CACNA2D3: variants seen among roughly 807,000 people sequenced by gnomAD.
CACNA2D3 encodes voltage-dependent calcium channel subunit alpha-2/delta-3.
A neutral mutation model predicts 160.6 loss-of-function variants in CACNA2D3; 60 were observed. The ratio of observed to expected loss-of-function variants is 0.37; its 90% CI spans 0.30 to 0.46. The LOEUF is 0.46. Ranked by LOEUF, CACNA2D3 falls within the 20% of genes least tolerant of loss-of-function variation. The probability of loss-of-function intolerance (pLI) is 1.00; values close to 1 mark genes in which losing one functional copy is unlikely to be tolerated. For synonymous variants in CACNA2D3, 558 were observed against 492.9 expected (o/e 1.13, Z -1.75); for missense variants, 1,205 against 1,365.0 (o/e 0.88, Z 1.85).
chr3:54,184,167 G>A (rs1307473378), intron 2 of CACNA2D3, among the ~76,000 whole-genome samples: 1 of 152,190 alleles, frequency 6.6e-6, no homozygotes, highest in Non-Finnish European at 1.5e-5. Context: ...GGAAAACAGA[G>A]TGATCAGAGA....
At chr3:54,708,496 C>T (rs1048902225) in intron 11 of CACNA2D3, among the ~76,000 whole-genome samples, 1 of 152,070 alleles carries the variant, frequency 6.6e-6, no homozygotes, top group Non-Finnish European at 1.5e-5. Flanking sequence ...GGTTGGAGAC[C>T]TTGTGATTAC....
At chr3:54,420,237 A>G (rs1269469183) in intron 4 of CACNA2D3, among the ~76,000 whole-genome samples, 1 of 152,052 alleles carries the variant, frequency 6.6e-6, no homozygotes, top group Non-Finnish European at 1.5e-5. Context: ...GGCACACGCC[A>G]CTATGCCCAG....
intron 4 of CACNA2D3, among the ~76,000 whole-genome samples, chr3:54,436,766 C>T (rs2106785231): frequency 6.6e-6 from 1 of 152,092 alleles, no homozygotes; most frequent in East Asian, 1.9e-4. Flanking sequence ...ACATCACACC[C>T]TGGGGCCTGT....
At chr3:54,125,005 T>C (rs1699560247) in intron 2 of CACNA2D3, among the ~76,000 whole-genome samples, 3 of 152,246 alleles carry the variant, frequency 2.0e-5, no homozygotes. Context: ...ACTTGTCAGA[T>C]GTTTGATGTG....
At chr3:54,571,713 G>A (rs1267391786) in intron 8 of CACNA2D3, among the ~76,000 whole-genome samples, 1 of 151,926 alleles carries the variant, frequency 6.6e-6, no homozygotes, top group East Asian at 1.9e-4. Context: ...TATTTGGGAG[G>A]TGGAGTAGTT....
In CACNA2D3 at chr3:54,462,674, C is replaced by T. The variant is rs529389309; in HGVS notation, c.382-40818C>T. Among the ~76,000 whole-genome samples the T allele has an allele frequency of 1.2e-4, 19 of 152,270 alleles. 1 individual carries two copies. The East Asian group carries it at 3.7e-3, about 29-fold the overall frequency. ...TATTTTGAACCCATGTGTGTCTCTG[C>T]ATGTGAGATGGGTTTCCTGAATACA... On this transcript the variant is annotated intron_variant, in intron 4 of 37. Coordinates refer to ENST00000474759, the MANE Select transcript of CACNA2D3 (RefSeq NM_018398.3).
At chr3:54,233,231 G>GT (rs1222543067) in intron 2 of CACNA2D3, among the ~76,000 whole-genome samples, 6 of 152,128 alleles carry the variant, frequency 3.9e-5, no homozygotes, top group Non-Finnish European at 5.9e-5. Flanking sequence ...TGCTAACAGG[G>GT]GCTTAGTCTG....
At chr3:55,051,993 C>T (rs532830441) in intron 35 of CACNA2D3, among the ~76,000 whole-genome samples, 7 of 152,256 alleles carry the variant, frequency 4.6e-5, no homozygotes, top group South Asian at 2.1e-4. Flanking sequence ...CCATGACCTG[C>T]GCCCACTGTC....
intron 27 of CACNA2D3, chr3:54,918,708 C>A: frequency 6.2e-7 from 1 of 1,614,132 alleles, no homozygotes; most frequent in Non-Finnish European, 8.5e-7. Flanking sequence ...CTCGCTCCCC[C>A]GCGTTGTGGT....
intron 3 of CACNA2D3, among the ~76,000 whole-genome samples, chr3:54,326,453 A>T (rs1025181982): frequency 2.8e-4 from 42 of 152,210 alleles, no homozygotes; most frequent in African/African-American, 9.6e-4. Context: ...CTCCATCCCC[A>T]AAATATAAGC....
chr3:54,701,518 G>A (rs1180823853), intron 11 of CACNA2D3, among the ~76,000 whole-genome samples: 1 of 152,090 alleles, frequency 6.6e-6, no homozygotes, highest in Non-Finnish European at 1.5e-5. Flanking sequence ...GTTTTAGGTT[G>A]TAGGAATACA....
chr3:54,959,962 A>T (rs1701991494), intron 27 of CACNA2D3, among the ~76,000 whole-genome samples: 2 of 151,932 alleles, frequency 1.3e-5, no homozygotes, highest in African/African-American at 4.8e-5. Flanking sequence ...AACCCTGCTA[A>T]TTCTTTTCAA....
chr3:54,333,562 T>C (rs1256145795), intron 3 of CACNA2D3, among the ~76,000 whole-genome samples: 2 of 151,924 alleles, frequency 1.3e-5, no homozygotes, highest in East Asian at 3.9e-4. Context: ...TCCAGCCAAA[T>C]GCGCTCTGGA....
intron 35 of CACNA2D3, among the ~76,000 whole-genome samples, chr3:55,070,138 G>A (rs2859818): frequency 0.16 from 24,233 of 152,154 alleles, 2,270 homozygotes; most frequent in Non-Finnish European, 0.22. Flanking sequence ...GTCAGGTGCA[G>A]CCCTGTTGCC....
chr3:54,893,361 A>C (rs1006504206), intron 25 of CACNA2D3, among the ~76,000 whole-genome samples: 1 of 152,006 alleles, frequency 6.6e-6, no homozygotes, highest in African/African-American at 2.4e-5. Context: ...TCTTTGTGGC[A>C]TTACGTGACC....
At chr3:54,463,946 T>G (rs1173242372) in intron 4 of CACNA2D3, among the ~76,000 whole-genome samples, 2 of 151,634 alleles carry the variant, frequency 1.3e-5, no homozygotes, top group Non-Finnish European at 3.0e-5. Flanking sequence ...CAGATGGGAT[T>G]TTGGTGTGGA....
At chr3:55,005,974 A>T (rs1703084563) in intron 32 of CACNA2D3, among the ~76,000 whole-genome samples, 1 of 152,250 alleles carries the variant, frequency 6.6e-6, no homozygotes, top group Non-Finnish European at 1.5e-5. Flanking sequence ...TAAAAAACAG[A>T]TAATTAACAC....
At chr3:54,447,299 A>C (rs929194389) in intron 4 of CACNA2D3, among the ~76,000 whole-genome samples, 1 of 152,228 alleles carries the variant, frequency 6.6e-6, no homozygotes, top group African/African-American at 2.4e-5. Flanking sequence ...ATTAAAATTG[A>C]GAATGTATGA....
At chr3:54,693,023 A>G (rs1402112847) in intron 11 of CACNA2D3, among the ~76,000 whole-genome samples, 2 of 6,906 alleles carry the variant, frequency 2.9e-4, no homozygotes, top group African/African-American at 3.9e-4. Context: ...GCAAAATGTA[A>G]AAAAAAAACC....
Sources: allele counts gnomAD v4.1 joint callset (sites outside exome capture counted in the v4.1 genomes callset), GRCh38; gene constraint gnomAD v4.1.1; transcripts MANE v1.5; gene names NCBI Gene and HGNC (gene_info 2026-07-23, HGNC 2026-07-21).